IL15: variants seen among roughly 807,000 people sequenced by gnomAD.
IL15 encodes the protein interleukin 15, also known as interleukin-15.
In IL15, 11 loss-of-function variants were observed where a neutral mutation model predicts 19.6. The ratio of observed to expected loss-of-function variants is 0.56; its 90% CI spans 0.35 to 0.93. The LOEUF is 0.93. Among genes scored for constraint, IL15 ranks in the 40% least tolerant of loss-of-function variants. The pLI is 0.01. For missense variants in IL15, 197 were observed against 186.5 expected (o/e 1.06, Z -0.33); for synonymous variants, 58 against 59.6 (o/e 0.97, Z 0.12).
At chr4:141,701,743 C>T (rs1240229930) in intron 2 of IL15, among the ~76,000 whole-genome samples, 1 of 152,086 alleles carries the variant, frequency 6.6e-6, no homozygotes, top group Non-Finnish European at 1.5e-5. Context: ...TGAGGTTGTA[C>T]CAGGATGAAG....
At chr4:141,725,886 G>T (rs1437954486) in intron 5 of IL15, among the ~76,000 whole-genome samples, 3 of 152,126 alleles carry the variant, frequency 2.0e-5, no homozygotes, top group African/African-American at 7.2e-5. Context: ...AAAAGTTCAA[G>T]GTTGAGGAGC....
chr4:141,723,267 A>T (rs899231230), intron 5 of IL15, among the ~76,000 whole-genome samples: 3 of 152,200 alleles, frequency 2.0e-5, no homozygotes, highest in African/African-American at 7.2e-5. Flanking sequence ...ATTTTGAAAT[A>T]ATATCTTTGC....
intron 2 of IL15, among the ~76,000 whole-genome samples, chr4:141,661,221 T>C (rs749522202): frequency 4.6e-5 from 7 of 152,068 alleles, no homozygotes; most frequent in Non-Finnish European, 1.0e-4. Context: ...AGAATGAGAG[T>C]GTGGAGGAGC....
chr4:141,666,823 G>C (rs1434700320), intron 2 of IL15, among the ~76,000 whole-genome samples: 2 of 152,164 alleles, frequency 1.3e-5, no homozygotes, highest in African/African-American at 4.8e-5. Flanking sequence ...CCATACCCAG[G>C]AAGAAGGAAT....
intron 5 of IL15, 124 bp from the exon 6 acceptor site, chr4:141,727,816 G>A: frequency 1.6e-6 from 1 of 623,526 alleles, no homozygotes; most frequent in Non-Finnish European, 2.8e-6. Context: ...AGTTTCATAT[G>A]AATTTTAAAT....
intron 3 of IL15, 24 bp downstream of exon 3, chr4:141,719,500 T>A (rs772024458): frequency 7.8e-7 from 1 of 1,282,042 alleles, no homozygotes; most frequent in South Asian, 1.2e-5. Flanking sequence ...TAGATGAAAA[T>A]ATCCTATGGA....
Position 141,641,081 on chromosome 4 carries a change from A to T in IL15, c.-222+4333A>T, listed in dbSNP as rs192334935. On this transcript the variant is annotated intron_variant, in intron 1 of 7. Coordinates refer to ENST00000320650, the MANE Select transcript of IL15 (RefSeq NM_000585.5). ...TTTTGCTTATGTGCCTTCTAATAGA[A>T]ATCTGACAAAGTAGTCCTTGCACAC... Among the ~76,000 whole-genome samples, 336 of 152,286 alleles carry T rather than the reference A, an allele frequency of 2.2e-3. 1 individual carries two copies. The highest frequency in any genetic ancestry group is 3.7e-3 in the Non-Finnish European group (252 of 68,014).
At position 141,733,894 on chromosome 4, in the gene IL15, G is replaced by A. The variant is rs773890048; in HGVS notation, c.*1046G>A. 2.0e-5 allele frequency: 3 copies of A among 152,092 alleles called. No individual in the cohort carries two copies. Among genetic ancestry groups the A allele is most frequent in the Non-Finnish European group, 4.4e-5 (3 of 68,012 alleles). The allele number at this position is 152,092 out of a possible 1,614,324, so 9.4% of individuals were successfully genotyped here. ...CAGAAAATAATTGTTTATATTTTTT[G>A]CACTACACTGTCTAAAATTAGCAAG... On this transcript the variant is annotated 3_prime_UTR_variant, in exon 8 of 8. Transcript: ENST00000320650.
intron 2 of IL15, among the ~76,000 whole-genome samples, chr4:141,674,463 G>A (rs1361561331): frequency 6.6e-6 from 1 of 152,138 alleles, no homozygotes; most frequent in African/African-American, 2.4e-5. Flanking sequence ...GCACCTGCCT[G>A]TAATCCCAGC....
At chr4:141,698,169 G>A (rs191961884) in intron 2 of IL15, among the ~76,000 whole-genome samples, 1 of 152,012 alleles carries the variant, frequency 6.6e-6, no homozygotes, top group African/African-American at 2.4e-5. Context: ...AACCATCCCT[G>A]CAACTCTGGT....
chr4:141,702,432 C>A (rs1729352249), intron 2 of IL15, among the ~76,000 whole-genome samples: 1 of 152,130 alleles, frequency 6.6e-6, no homozygotes, highest in African/African-American at 2.4e-5. Flanking sequence ...GCAATGGATA[C>A]CAGCACCTGC....
intron 2 of IL15, among the ~76,000 whole-genome samples, chr4:141,680,376 G>A (rs1728494269): frequency 6.6e-6 from 1 of 152,166 alleles, no homozygotes; most frequent in Non-Finnish European, 1.5e-5. Context: ...TCATTCTACT[G>A]AATGAATATT....
intron 2 of IL15, among the ~76,000 whole-genome samples, chr4:141,709,851 T>C (rs187600613): frequency 1.3e-5 from 2 of 152,218 alleles, no homozygotes; most frequent in East Asian, 3.9e-4. Flanking sequence ...AGGTTTGGTG[T>C]ATGAATGATG....
chr4:141,640,962 G>A (rs145357139), intron 1 of IL15, among the ~76,000 whole-genome samples: 300 of 152,220 alleles, frequency 2.0e-3, no homozygotes, highest in African/African-American at 6.7e-3. Context: ...TGGTGGTGGG[G>A]GTAAGCTCTG....
chr4:141,719,559 A>T (rs975254751), intron 3 of IL15, 83 bp downstream of exon 3: 4 of 1,104,318 alleles, frequency 3.6e-6, no homozygotes, highest in Non-Finnish European at 5.3e-6. Flanking sequence ...AATAAGTTAC[A>T]TGGTTATTCT....
rs1300984141 is a variant in IL15, at chr4:141,725,226, C to CACCTCTCATGGCCTGT, written c.196-2713_196-2698dup. The stretch of plus-strand genomic sequence containing the variant: ...AGAAAAGGTATCTGATAAAATGCAA[C>CACCTCTCATGGCCTGT]ACCTCTCATGGCCTGTGTCCCTCCC... On this transcript the variant is annotated intron_variant, in intron 5 of 7. Coordinates refer to ENST00000320650, the MANE Select transcript of IL15 (RefSeq NM_000585.5). 1.6e-4 allele frequency among the ~76,000 whole-genome samples: 25 copies of CACCTCTCATGGCCTGT among 152,238 alleles called. No homozygotes were observed. In the Middle Eastern group the frequency reaches 0.01, roughly 62 times the overall value.
intron 2 of IL15, among the ~76,000 whole-genome samples, chr4:141,697,975 G>T (rs1236095462): frequency 6.6e-6 from 1 of 151,980 alleles, no homozygotes; most frequent in Non-Finnish European, 1.5e-5. Flanking sequence ...CTGTGGGTTT[G>T]TCATATATAG....
intron 1 of IL15, among the ~76,000 whole-genome samples, chr4:141,644,392 C>G (rs999371167): frequency 6.6e-6 from 1 of 152,094 alleles, no homozygotes; most frequent in Non-Finnish European, 1.5e-5. Flanking sequence ...TTGACTCCTC[C>G]TAGGCTGCTG....
intron 2 of IL15, among the ~76,000 whole-genome samples, chr4:141,712,773 G>A (rs989818246): frequency 4.6e-5 from 7 of 150,948 alleles, no homozygotes; most frequent in Non-Finnish European, 8.9e-5. Context: ...TCTGTCCCTG[G>A]CAGCTCAAAA....
Sources: gnomAD v4.1 joint callset for allele counts (sites outside exome capture counted in the v4.1 genomes callset) on GRCh38, gnomAD v4.1.1 for gene constraint, MANE v1.5 for transcripts, NCBI Gene and HGNC (gene_info 2026-07-23, HGNC 2026-07-21) for gene names.